RP1: variants seen among roughly 807,000 people sequenced by gnomAD.
RP1 encodes the protein RP1 axonemal microtubule associated.
A neutral mutation model predicts 14.8 loss-of-function variants in RP1; 16 were observed. The ratio of observed to expected loss-of-function variants is 1.08; its 90% CI spans 0.73 to 1.65. RP1 has a LOEUF of 1.65. Among genes scored for constraint, RP1 ranks in the 40% most tolerant of loss-of-function variants. The pLI is 0.00. For synonymous variants in RP1, 876 were observed against 883.6 expected (o/e 0.99, Z 0.15); for missense variants, 2,631 against 2,535.0 (o/e 1.04, Z -0.81).
chr8:54,583,814 GTAGT>G (rs1804853950), intron 1 of RP1, among the ~76,000 whole-genome samples: 1 of 152,274 alleles, frequency 6.6e-6, no homozygotes, highest in African/African-American at 2.4e-5. Context: ...TTCTCTGATG[GTAGT>G]TAGTATTTCT....
intron 24 of RP1, among the ~76,000 whole-genome samples, chr8:54,831,744 A>C (rs1160168922): frequency 6.6e-6 from 1 of 151,786 alleles, no homozygotes; most frequent in East Asian, 1.9e-4. Context: ...TACTATATCC[A>C]TGCTCCTCCT....
chr8:54,824,821 C>T (rs1219712492), intron 24 of RP1, among the ~76,000 whole-genome samples: 3 of 152,118 alleles, frequency 2.0e-5, no homozygotes, highest in Non-Finnish European at 4.4e-5. Flanking sequence ...ATTGTATGAT[C>T]ATGTTAATTG....
intron 1 of RP1, chr8:54,560,593 T>TGG (rs1804264093): frequency 6.6e-6 from 1 of 151,870 alleles, no homozygotes; most frequent in Admixed American, 6.6e-5. Flanking sequence ...GTCCCTAAGG[T>TGG]TTCTGCGAGG....
intron 3 of RP1, among the ~76,000 whole-genome samples, chr8:54,623,265 A>G (rs1344905576): frequency 3.3e-5 from 5 of 152,164 alleles, no homozygotes; most frequent in Non-Finnish European, 5.9e-5. Context: ...TGTCTGATAC[A>G]GATTGCCGAG....
chr8:54,630,534 TC>T lies in RP1; in HGVS notation c.*183del. The T allele has an allele frequency of 7.1e-7, 1 of 1,402,150 alleles. No homozygotes were observed. The highest frequency in any genetic ancestry group is 1.6e-5 in the South Asian group (1 of 62,574). The allele number at this position is 1,402,150 out of a possible 1,614,324, so 86.9% of individuals were successfully genotyped here. On this transcript the variant is annotated 3_prime_UTR_variant, in exon 4 of 4. Transcript: ENST00000220676. ...TCATAATGTCTCTGTTTTTTGTTTT[TC>T]CAACAATTACAGACTCAGGTTCTCT...
intron 15 of RP1, among the ~76,000 whole-genome samples, chr8:54,715,091 T>C (rs1289509330): frequency 6.6e-6 from 1 of 152,262 alleles, no homozygotes; most frequent in African/African-American, 2.4e-5. Flanking sequence ...GACGTTTTGG[T>C]AAGTGCTTGA....
chr8:54,855,109 T>C (rs1812159431), intron 26 of RP1, among the ~76,000 whole-genome samples: 1 of 152,220 alleles, frequency 6.6e-6, no homozygotes, highest in African/African-American at 2.4e-5. Flanking sequence ...TTCTACTTTA[T>C]GTGTCTATGA....
At chr8:54,649,088 C>T (rs975209846) in exon 4 of RP1, 16 of 1,530,398 alleles carry the variant, frequency 1.0e-5, no homozygotes, top group Middle Eastern at 1.8e-4. Flanking sequence ...GTTCAGCCCC[C>T]ATATATCTTT....
chr8:54,677,274 C>T (rs909824149), intron 8 of RP1, among the ~76,000 whole-genome samples: 1 of 151,918 alleles, frequency 6.6e-6, no homozygotes, highest in African/African-American at 2.4e-5. Context: ...ACTCAGTAGT[C>T]TGTGTTTTTG....
intron 26 of RP1, among the ~76,000 whole-genome samples, chr8:54,856,137 G>C (rs557548859): frequency 6.6e-6 from 1 of 152,296 alleles, no homozygotes; most frequent in East Asian, 1.9e-4. Flanking sequence ...TGAACAAGAC[G>C]CTGCTGAGCA....
intron 24 of RP1, among the ~76,000 whole-genome samples, chr8:54,804,812 G>A (rs115352844): frequency 0.029 from 4,364 of 152,220 alleles, 120 homozygotes; most frequent in African/African-American, 0.064. Flanking sequence ...TCTTAATTCA[G>A]GACAGATCAA....
At chr8:54,682,066 G>A (rs983106756) in intron 12 of RP1, among the ~76,000 whole-genome samples, 4 of 151,928 alleles carry the variant, frequency 2.6e-5, no homozygotes, top group Admixed American at 2.0e-4. Context: ...CCCAGTAATG[G>A]GATTGCTGGG....
chr8:54,836,213 A>C (rs1006993198), intron 24 of RP1, among the ~76,000 whole-genome samples: 7 of 152,178 alleles, frequency 4.6e-5, no homozygotes, highest in Non-Finnish European at 1.0e-4. Flanking sequence ...CAAAGGGAGA[A>C]AAGATGTTGC....
chr8:54,637,989 C>T (rs1018869859), intron 3 of RP1, among the ~76,000 whole-genome samples: 3 of 152,130 alleles, frequency 2.0e-5, no homozygotes, highest in Non-Finnish European at 2.9e-5. Flanking sequence ...CCTCATCCGA[C>T]GTGAACTGCT....
intron 27 of RP1, among the ~76,000 whole-genome samples, chr8:54,860,701 G>C (rs1380869316): frequency 1.3e-5 from 2 of 152,238 alleles, no homozygotes; most frequent in Non-Finnish European, 2.9e-5. Flanking sequence ...CAGTCCCTGG[G>C]TGGATGCAAA....
intron 22 of RP1, among the ~76,000 whole-genome samples, chr8:54,765,473 T>C (rs1289452289): frequency 6.6e-6 from 1 of 152,220 alleles, no homozygotes; most frequent in Non-Finnish European, 1.5e-5. Context: ...TCTGTGTAAG[T>C]ATAGTTGGCA....
chr8:54,717,318 C>T (rs541867496), intron 15 of RP1, among the ~76,000 whole-genome samples: 24 of 152,228 alleles, frequency 1.6e-4, no homozygotes, highest in African/African-American at 3.6e-4. Flanking sequence ...ATTCTTCTTA[C>T]GCCAACACAA....
chr8:54,583,189 A>G (rs1585525970), intron 1 of RP1, among the ~76,000 whole-genome samples: 1 of 152,250 alleles, frequency 6.6e-6, no homozygotes, highest in East Asian at 1.9e-4. Context: ...TACCTAATTT[A>G]TTGAGAGTTT....
At position 54,627,739 on chromosome 8, in the gene RP1, A is replaced by G. The variant is rs767871878; in HGVS notation, c.3857A>G (p.Tyr1286Cys). The change falls in exon 4 of 4, where the codon TAT (tyrosine) becomes TGT (cysteine). Residue 1286 changes from tyrosine to cysteine, a missense_variant. Transcript: ENST00000220676. ...PSDTFFPSDGYGVDQTSMNKA... is the reference protein window; with the variant it reads ...PSDTFFPSDGCGVDQTSMNKA... ...GACACTTTTTTTCCTAGTGATGGTTATGGTGTGGATCAGACTTCTATGAAT... is the reference window on the plus strand; with the variant it reads ...GACACTTTTTTTCCTAGTGATGGTTGTGGTGTGGATCAGACTTCTATGAAT... 3.1e-6 allele frequency: 5 copies of G among 1,614,164 alleles called. No homozygotes were observed. Among genetic ancestry groups the G allele is most frequent in the Non-Finnish European group, 4.2e-6 (5 of 1,179,980 alleles).
Sources: allele counts gnomAD v4.1 joint callset (sites outside exome capture counted in the v4.1 genomes callset), GRCh38; gene constraint gnomAD v4.1.1; transcripts MANE v1.5; gene names NCBI Gene and HGNC (gene_info 2026-07-23, HGNC 2026-07-21).